Variants in ARMC9 observed in about 807,000 individuals in gnomAD.
The protein encoded by ARMC9 is armadillo repeat containing 9, also known as lisH domain-containing protein ARMC9.
A neutral mutation model predicts 107.0 loss-of-function variants in ARMC9; 94 were observed. That is an observed-to-expected ratio of 0.88 (90% CI 0.74 to 1.04). The LOEUF (loss-of-function observed/expected upper bound fraction) is 1.04, where lower values mean the gene tolerates loss of function less well. Among genes scored for constraint, ARMC9 ranks in the 50% least tolerant of loss-of-function variants. ARMC9 has a pLI of 0.00. For synonymous variants in ARMC9, 380 were observed against 396.9 expected (o/e 0.96, Z 0.51); for missense variants, 942 against 1,030.1 (o/e 0.91, Z 1.17).
At chr2:231,218,952 A>G (rs892995637) in intron 5 of ARMC9, among the ~76,000 whole-genome samples, 2 of 151,998 alleles carry the variant, frequency 1.3e-5, no homozygotes, top group African/African-American at 4.8e-5. Context: ...GGGTTTCACC[A>G]TGTTGGCCAG....
chr2:231,256,381 C>T (rs2037812675), intron 9 of ARMC9: 33 of 1,314,198 alleles, frequency 2.5e-5, no homozygotes, highest in Non-Finnish European at 3.4e-5. Flanking sequence ...ACAGTCTGCT[C>T]CTTTTTTTTT....
intron 19 of ARMC9, among the ~76,000 whole-genome samples, chr2:231,329,889 A>G (rs1406343): frequency 0.32 from 49,132 of 151,644 alleles, 8,040 homozygotes; most frequent in Middle Eastern, 0.37. Context: ...ATTATGTGCA[A>G]ATAGGGATAG....
rs2125305741 is a variant in ARMC9, at chr2:231,206,223, C to T, written c.-16C>T. 6.2e-7 allele frequency: 1 copy of T among 1,610,864 alleles called. No individual in the cohort carries two copies. The highest frequency in any genetic ancestry group is 8.5e-7 in the Non-Finnish European group (1 of 1,177,540). On this transcript the variant is annotated 5_prime_UTR_variant, in exon 2 of 25. Coordinates refer to ENST00000611582, the MANE Select transcript of ARMC9 (RefSeq NM_001352754.2). The stretch of plus-strand genomic sequence containing the variant: ...AGATTTTTGCTGTGAGAATTAATTA[C>T]CAGTAACAGTTCAATATGGGGGACA...
At chr2:231,277,051 G>C (rs2039823372) in intron 15 of ARMC9, among the ~76,000 whole-genome samples, 1 of 152,110 alleles carries the variant, frequency 6.6e-6, no homozygotes, top group Admixed American at 6.5e-5. Context: ...ATTATTCAGA[G>C]GTAGGAAATT....
At chr2:231,323,398 G>T (rs972472763) in intron 19 of ARMC9, among the ~76,000 whole-genome samples, 1 of 152,182 alleles carries the variant, frequency 6.6e-6, no homozygotes, top group Non-Finnish European at 1.5e-5. Context: ...AAGCTTCATT[G>T]CTGGGAGGTT....
chr2:231,220,103 T>C (rs2033958365), intron 5 of ARMC9, among the ~76,000 whole-genome samples: 2 of 152,248 alleles, frequency 1.3e-5, no homozygotes, highest in Admixed American at 6.5e-5. Context: ...GGCTGTATTC[T>C]GGGTGATCTC....
intron 12 of ARMC9, among the ~76,000 whole-genome samples, chr2:231,264,143 TTTC>T (rs1285344095): frequency 6.6e-6 from 1 of 152,190 alleles, no homozygotes; most frequent in Non-Finnish European, 1.5e-5. Flanking sequence ...AAGAGAGTAA[TTTC>T]TTCCTCAAGT....
intron 1 of ARMC9, among the ~76,000 whole-genome samples, chr2:231,203,765 G>C (rs1289980761): frequency 6.6e-6 from 1 of 152,158 alleles, no homozygotes; most frequent in East Asian, 1.9e-4. Flanking sequence ...TTCGAGACCA[G>C]CCTGGCCAAC....
At chr2:231,314,292 T>C (rs1274922113) in intron 19 of ARMC9, among the ~76,000 whole-genome samples, 1 of 152,028 alleles carries the variant, frequency 6.6e-6, no homozygotes, top group Non-Finnish European at 1.5e-5. Flanking sequence ...TTGGTCAGGC[T>C]GGTCTCGAAC....
rs4605362 is a variant in ARMC9, at chr2:231,311,918, A to G, written c.1773+15665A>G. ...GAATTTTCACAAAGTGCATATACCT[A>G]TGTAATTCAGACACCACCCACCCCC... On this transcript the variant is annotated intron_variant, in intron 19 of 24. Transcript: ENST00000611582. Among the ~76,000 whole-genome samples the G allele has an allele frequency of 6.3e-3, 965 of 152,134 alleles. 16 individuals are homozygous for G. Among genetic ancestry groups the G allele is most frequent in the African/African-American group, 0.022 (913 of 41,500 alleles).
At chr2:231,331,428 A>G (rs1575108944) in intron 19 of ARMC9, among the ~76,000 whole-genome samples, 1 of 148,854 alleles carries the variant, frequency 6.7e-6, no homozygotes, top group African/African-American at 2.5e-5. Context: ...TATCCCCCAT[A>G]AGGCCTGTGT....
chr2:231,353,649 G>A lies in ARMC9; in HGVS notation c.1995-2149G>A, dbSNP rs577098974. Among the ~76,000 whole-genome samples the A allele has an allele frequency of 1.5e-4, 23 of 151,616 alleles. No individual in the cohort carries two copies. The East Asian group carries it at 3.5e-3, about 23-fold the overall frequency. On this transcript the variant is annotated intron_variant, in intron 21 of 24. Coordinates refer to ENST00000611582, the MANE Select transcript of ARMC9 (RefSeq NM_001352754.2). ...CAGGTTTGCACACTCCTCCCACCCC[G>A]TCCTGCCCACCACTGGCCTTCACGG... is the stretch of plus-strand genomic sequence containing the variant.
chr2:231,234,166 G>A (rs983751032), intron 7 of ARMC9, among the ~76,000 whole-genome samples: 2 of 152,160 alleles, frequency 1.3e-5, no homozygotes, highest in African/African-American at 4.8e-5. Flanking sequence ...AGTTACTCTG[G>A]GTTTGGGGGC....
At position 231,371,625 on chromosome 2, in the gene ARMC9, G is replaced by A; in HGVS notation, c.*90G>A. Reference sequence around the variant, plus strand: ...AGCAGCTGCCGGTGATGGATGTGAAGGGACAGTTGTCCACAAGACTCTGGG... The same window carrying A: ...AGCAGCTGCCGGTGATGGATGTGAAAGGACAGTTGTCCACAAGACTCTGGG... On this transcript the variant is annotated 3_prime_UTR_variant, in exon 25 of 25. Coordinates refer to ENST00000611582, the MANE Select transcript of ARMC9 (RefSeq NM_001352754.2). 3.4e-6 allele frequency: 4 copies of A among 1,175,602 alleles called. No homozygotes were observed. The highest frequency in any genetic ancestry group is 4.3e-6 in the Non-Finnish European group (4 of 935,820). 72.8% of individuals were successfully genotyped at this position (1,175,602 alleles called of 1,614,324 possible). A position where few individuals can be genotyped will look rare whatever the true frequency, so the allele number is the denominator to read the frequency against.
intron 23 of ARMC9, among the ~76,000 whole-genome samples, chr2:231,365,030 G>C (rs916938274): frequency 6.6e-6 from 1 of 152,158 alleles, no homozygotes; most frequent in Non-Finnish European, 1.5e-5. Context: ...CTGAGCCCCT[G>C]GTGGCCTCAG....
At chr2:231,313,557 T>G (rs1350696141) in intron 19 of ARMC9, among the ~76,000 whole-genome samples, 1 of 152,170 alleles carries the variant, frequency 6.6e-6, no homozygotes, top group African/African-American at 2.4e-5. Context: ...TTTATAGAGT[T>G]GTGCTACCAT....
chr2:231,274,580 T>G (rs769024626), intron 14 of ARMC9, among the ~76,000 whole-genome samples: 7 of 152,214 alleles, frequency 4.6e-5, no homozygotes, highest in Non-Finnish European at 1.0e-4. Context: ...TTGGGACATA[T>G]GGTAATTTTT....
chr2:231,308,318 C>A (rs948670752), intron 19 of ARMC9, among the ~76,000 whole-genome samples: 6 of 152,190 alleles, frequency 3.9e-5, no homozygotes, highest in Admixed American at 2.6e-4. Context: ...GATAAGAAAA[C>A]CAAAGTTCAG....
At chr2:231,213,587 C>G (rs2033159429) in intron 3 of ARMC9, among the ~76,000 whole-genome samples, 1 of 152,016 alleles carries the variant, frequency 6.6e-6, no homozygotes. Context: ...AGCAATTCTC[C>G]TGCCTCAGCC....
Sources: gnomAD v4.1 joint callset for allele counts (sites outside exome capture counted in the v4.1 genomes callset) on GRCh38, gnomAD v4.1.1 for gene constraint, MANE v1.5 for transcripts, NCBI Gene and HGNC (gene_info 2026-07-23, HGNC 2026-07-21) for gene names.